MTMR7: variants seen among roughly 807,000 people sequenced by gnomAD.
The protein encoded by MTMR7 is myotubularin related protein 7, also known as phosphatidylinositol-3-phosphate phosphatase MTMR7.
In MTMR7, 76 loss-of-function variants were observed where a neutral mutation model predicts 81.2. The observed-to-expected ratio is 0.94, with a 90% CI of 0.78 to 1.13. MTMR7 has a LOEUF of 1.13. MTMR7 is among the 50% of genes most tolerant of loss of function. The probability of loss-of-function intolerance (pLI) is 0.00; values close to 1 mark genes in which losing one functional copy is unlikely to be tolerated. For synonymous variants in MTMR7, 372 were observed against 289.8 expected (o/e 1.28, Z -2.88); for missense variants, 1,044 against 820.0 (o/e 1.27, Z -3.34).
At chr8:17,302,069 C>T in intron 13 of MTMR7, 85 bp downstream of exon 13, 1 of 1,550,078 alleles carries the variant, frequency 6.5e-7, no homozygotes, top group East Asian at 2.2e-5. Flanking sequence ...ATTTGTATTG[C>T]ACTGAATCTT....
chr8:17,401,926 A>T (rs34246003), intron 1 of MTMR7, among the ~76,000 whole-genome samples: 66,094 of 151,952 alleles, frequency 0.43, 15,326 homozygotes, highest in Admixed American at 0.59. Flanking sequence ...ATGGATAAGT[A>T]CCTTATCTTA....
chr8:17,406,013 T>C (rs553606678), intron 1 of MTMR7, among the ~76,000 whole-genome samples: 43 of 152,220 alleles, frequency 2.8e-4, no homozygotes, highest in South Asian at 1.2e-3. Context: ...TCTGAAATTA[T>C]GCAAAATTAC....
chr8:17,313,712 T>C (rs1817911469), intron 7 of MTMR7, among the ~76,000 whole-genome samples: 1 of 152,198 alleles, frequency 6.6e-6, no homozygotes, highest in Non-Finnish European at 1.5e-5. Context: ...TCGATTTGCC[T>C]TTCCAGCAAA....
chr8:17,322,014 G>T (rs1302958871), intron 7 of MTMR7, among the ~76,000 whole-genome samples: 1 of 119,042 alleles, frequency 8.4e-6, no homozygotes, highest in East Asian at 5.2e-4. Flanking sequence ...GTCAGTGAGG[G>T]TGCAGAAAAA....
In MTMR7 at chr8:17,341,410, C is replaced by A. The variant is rs778226202; in HGVS notation, c.685G>T (p.Ala229Ser). Residue 229 changes from alanine to serine, a missense_variant, in exon 6 of 14, where the codon GCC becomes TCC. Physicochemically the swap from Ala to Ser is moderately conservative, Grantham distance 99. Transcript: ENST00000180173. ...TAAACGAAGTCACTTCCTGGATTGG[C>A]TTTCCTAATGGCCTGGAGCATCTGC... ...DEQMLQAIRKANPGSDFVYVV... is the reference protein window; with the variant it reads ...DEQMLQAIRKSNPGSDFVYVV... 4 of 1,614,092 alleles carry A rather than the reference C, an allele frequency of 2.5e-6. No individual in the cohort carries two copies. The highest frequency in any genetic ancestry group is 3.4e-6 in the Non-Finnish European group (4 of 1,180,048).
intron 1 of MTMR7, among the ~76,000 whole-genome samples, chr8:17,385,572 G>T (rs1281157648): frequency 6.6e-6 from 1 of 152,178 alleles, no homozygotes; most frequent in Non-Finnish European, 1.5e-5. Flanking sequence ...ATGTAGAACT[G>T]TGAGTCCATT....
At chr8:17,315,788 G>A (rs1818034739) in intron 7 of MTMR7, among the ~76,000 whole-genome samples, 1 of 152,094 alleles carries the variant, frequency 6.6e-6, no homozygotes, top group Non-Finnish European at 1.5e-5. Flanking sequence ...AAGTCAGAAG[G>A]ATCATTTGAG....
chr8:17,309,392 A>G lies in MTMR7; in HGVS notation c.1102-66T>C, dbSNP rs143937735. 1.1e-4 allele frequency: 125 copies of G among 1,112,594 alleles called. 1 individual carries two copies. The Admixed American group carries it at 1.5e-3, about 13-fold the overall frequency. The allele number at this position is 1,112,594 out of a possible 1,614,324, so 68.9% of individuals were successfully genotyped here. ...CGAAAAATAAGAGACCACACAACCAATAATGTTGAGGAATTCAGAGGCACT... is the reference window on the plus strand; with the variant it reads ...CGAAAAATAAGAGACCACACAACCAGTAATGTTGAGGAATTCAGAGGCACT... On this transcript the variant is annotated intron_variant, in intron 9 of 13. Coordinates refer to ENST00000180173, the MANE Select transcript of MTMR7 (RefSeq NM_004686.5).
chr8:17,383,312 G>C (rs1203949752), intron 1 of MTMR7, among the ~76,000 whole-genome samples: 2 of 152,140 alleles, frequency 1.3e-5, no homozygotes, highest in Non-Finnish European at 2.9e-5. Context: ...CTCAAGCAGA[G>C]GGAGCAAGAG....
rs557386561 is a variant in MTMR7 at position 17,314,276 on chromosome 8, G to T, written c.866-875C>A. Among the ~76,000 whole-genome samples, 26 of 152,174 alleles carry T rather than the reference G, an allele frequency of 1.7e-4. 1 individual carries two copies. The South Asian group carries it at 5.0e-3, about 29-fold the overall frequency. ...AATGAAATTCAATCAAGAAATCATA[G>T]ATTTCTTTTTATTTTATTGTTCTCT... is the stretch of plus-strand genomic sequence containing the variant. On this transcript the variant is annotated intron_variant, in intron 7 of 13. Coordinates refer to ENST00000180173, the MANE Select transcript of MTMR7 (RefSeq NM_004686.5).
intron 3 of MTMR7, among the ~76,000 whole-genome samples, chr8:17,365,722 G>C (rs1030916536): frequency 6.6e-6 from 1 of 152,094 alleles, no homozygotes; most frequent in African/African-American, 2.4e-5. Context: ...AAAACATTCA[G>C]AAAAAGTTAA....
chr8:17,395,695 G>C (rs1821225594), intron 1 of MTMR7, among the ~76,000 whole-genome samples: 1 of 152,128 alleles, frequency 6.6e-6, no homozygotes, highest in Non-Finnish European at 1.5e-5. Context: ...GCTATCTTTT[G>C]ATGTACTTAT....
chr8:17,305,252 C>G (rs184566891), intron 11 of MTMR7, among the ~76,000 whole-genome samples: 1 of 152,234 alleles, frequency 6.6e-6, no homozygotes, highest in East Asian at 1.9e-4. Flanking sequence ...AAAAAATGTT[C>G]TCTCATGTAT....
At chr8:17,353,592 C>T (rs1288142965) in intron 4 of MTMR7, among the ~76,000 whole-genome samples, 1 of 152,176 alleles carries the variant, frequency 6.6e-6, no homozygotes. Context: ...TCAAACACCT[C>T]AGTATGCCTC....
chr8:17,377,652 A>C (rs903023361), intron 1 of MTMR7, among the ~76,000 whole-genome samples: 2 of 152,110 alleles, frequency 1.3e-5, no homozygotes, highest in African/African-American at 4.8e-5. Context: ...TTGTTTAATA[A>C]CAAAAGTTTT....
chr8:17,378,662 GCTATGGAAAT>G (rs940096518), intron 1 of MTMR7, among the ~76,000 whole-genome samples: 5 of 152,164 alleles, frequency 3.3e-5, no homozygotes, highest in African/African-American at 1.2e-4. Context: ...TCTGAAAAAG[GCTATGGAAAT>G]CTATGCAAAA....
Position 17,302,182 on chromosome 8 carries a change from A to G in MTMR7, c.1592T>C (p.Leu531Pro). ...TTCCAGGGCCTCTAGTTCTTCCTCT[A>G]GCTGCTGAGTTTCTTCCTTCACTGC... ...LMAVKEETQQLEEELEALEER... is the reference protein window; with the variant it reads ...LMAVKEETQQPEEELEALEER... The change falls in exon 13 of 14, where the codon CTA (leucine) becomes CCA (proline). Residue 531 changes from leucine (L) to proline (P), a missense_variant. Coordinates refer to ENST00000180173, the MANE Select transcript of MTMR7 (RefSeq NM_004686.5). The G allele has an allele frequency of 6.2e-7, 1 of 1,614,128 alleles. No individual in the cohort carries two copies. Among genetic ancestry groups the G allele is most frequent in the Non-Finnish European group, 8.5e-7 (1 of 1,179,986 alleles).
At chr8:17,364,619 G>A (rs1820168121) in intron 3 of MTMR7, among the ~76,000 whole-genome samples, 1 of 151,900 alleles carries the variant, frequency 6.6e-6, no homozygotes, top group African/African-American at 2.4e-5. Flanking sequence ...TCTACTCTCT[G>A]CTTCTATGAG....
chr8:17,404,511 G>C (rs548287145), intron 1 of MTMR7, among the ~76,000 whole-genome samples: 6 of 151,988 alleles, frequency 3.9e-5, no homozygotes, highest in South Asian at 2.1e-4. Flanking sequence ...TTATTGTATT[G>C]CTCTTGTTAC....
Sources: gnomAD v4.1 joint callset for allele counts (sites outside exome capture counted in the v4.1 genomes callset) on GRCh38, gnomAD v4.1.1 for gene constraint, MANE v1.5 for transcripts, NCBI Gene and HGNC (gene_info 2026-07-23, HGNC 2026-07-21) for gene names.